Variants in TENM1 observed in about 807,000 individuals in gnomAD.
The protein encoded by TENM1 is teneurin transmembrane protein 1.
In TENM1, 35 loss-of-function variants were observed where a neutral mutation model predicts 174.8. The ratio of observed to expected loss-of-function variants is 0.20; its 90% CI spans 0.15 to 0.27. The LOEUF (loss-of-function observed/expected upper bound fraction) is 0.27, where lower values mean the gene tolerates loss of function less well. Among genes scored for constraint, TENM1 ranks in the 10% least tolerant of loss-of-function variants. TENM1 has a pLI of 1.00. For synonymous variants in TENM1, 781 were observed against 798.7 expected, an observed-to-expected ratio of 0.98 and a Z score of 0.37; for missense variants, 1,633 against 2,130.1, an observed-to-expected ratio of 0.77 and a Z score of 4.59.
At chrX:124,410,354 T>G in intron 25 of TENM1, among the ~76,000 whole-genome samples, 1 of 112,102 alleles carries the variant, frequency 8.9e-6, no homozygotes. Flanking sequence ...CCTTACATCT[T>G]ACACAAAAAC....
chrX:125,105,222 C>G, the TENM1 span, among the ~76,000 whole-genome samples: 29,851 of 110,576 alleles, frequency 0.27, 3,259 homozygotes, highest in African/African-American at 0.41. Context: ...CTACAGAGTT[C>G]CATAGGCATT....
the TENM1 span, among the ~76,000 whole-genome samples, chrX:125,038,710 A>C: frequency 8.1e-5 from 9 of 111,192 alleles, no homozygotes; most frequent in Non-Finnish European, 1.3e-4. Context: ...GTCATTTTTC[A>C]ATTTATTTTT....
the TENM1 span, among the ~76,000 whole-genome samples, chrX:125,112,057 T>A: frequency 9.1e-6 from 1 of 110,465 alleles, no homozygotes. Context: ...AAACTTTGTT[T>A]CCATTTATGT....
chrX:124,706,946 C>CTTT (rs1190388752), intron 4 of TENM1, among the ~76,000 whole-genome samples: 8 of 88,013 alleles, frequency 9.1e-5, no homozygotes, highest in Non-Finnish European at 1.3e-4. Context: ...AGTCCTTAAT[C>CTTT]TTTTTTTTTT....
chrX:124,619,220 G>A (rs760407026), intron 11 of TENM1, among the ~76,000 whole-genome samples: 2 of 112,069 alleles, frequency 1.8e-5, no homozygotes, highest in South Asian at 3.7e-4. Context: ...TAGTTCCTTC[G>A]TGAGACGGTA....
chrX:125,043,149 C>A, the TENM1 span, among the ~76,000 whole-genome samples: 14 of 99,357 alleles, frequency 1.4e-4, no homozygotes, highest in South Asian at 1.0e-3. Flanking sequence ...GCAACAAAAG[C>A]CAAAATTGAC....
chrX:124,631,735 T>G (rs1263076246), intron 11 of TENM1, among the ~76,000 whole-genome samples: 1 of 106,638 alleles, frequency 9.4e-6, no homozygotes, highest in Non-Finnish European at 1.9e-5. Context: ...CCATCTCTAC[T>G]AAAAATACAA....
chrX:124,838,189 T>A (rs981080926), intron 3 of TENM1, among the ~76,000 whole-genome samples: 2 of 112,085 alleles, frequency 1.8e-5, no homozygotes, highest in African/African-American at 3.2e-5. Flanking sequence ...GTGTCCCACA[T>A]CAGTATGATC....
the TENM1 span, among the ~76,000 whole-genome samples, chrX:124,978,482 ATTTTTTC>A: frequency 9.0e-6 from 1 of 111,025 alleles, no homozygotes; most frequent in South Asian, 3.8e-4. Flanking sequence ...CTGGATTCTG[ATTTTTTC>A]TCCCTGAAGG....
chrX:124,801,964 C>T (rs2055465304), intron 3 of TENM1, among the ~76,000 whole-genome samples: 1 of 111,901 alleles, frequency 8.9e-6, no homozygotes, highest in African/African-American at 3.3e-5. Flanking sequence ...CATTGTTAGT[C>T]TGATAGGCTT....
intron 27 of TENM1, among the ~76,000 whole-genome samples, chrX:124,398,641 T>C (rs868395414): frequency 1.8e-5 from 2 of 110,385 alleles, no homozygotes; most frequent in South Asian, 7.5e-4. Context: ...TCTTTTTTTT[T>C]ATTTTTTGGT....
chrX:124,706,999 G>A (rs1295308234), intron 4 of TENM1, among the ~76,000 whole-genome samples: 2 of 98,356 alleles, frequency 2.0e-5, no homozygotes, highest in African/African-American at 7.8e-5. Flanking sequence ...CCAGGCTGTA[G>A]TACAGTGGCA....
chrX:124,403,582 C>A (rs2060426322), intron 27 of TENM1, among the ~76,000 whole-genome samples: 1 of 109,202 alleles, frequency 9.2e-6, no homozygotes, highest in Non-Finnish European at 1.9e-5. Context: ...TTGTTCATAT[C>A]AAGCCATATG....
the TENM1 span, among the ~76,000 whole-genome samples, chrX:125,040,805 G>GA: frequency 1.8e-4 from 20 of 109,338 alleles, no homozygotes; most frequent in African/African-American, 5.3e-4. Context: ...TGAGCTGAAG[G>GA]AAAAAAAAAT....
At chrX:124,724,770 C>T (rs764189617) in intron 4 of TENM1, among the ~76,000 whole-genome samples, 4 of 111,488 alleles carry the variant, frequency 3.6e-5, no homozygotes, top group African/African-American at 9.8e-5. Context: ...CACTCCAGCC[C>T]GGGTGGCAGG....
In TENM1 at chrX:124,415,709, T is replaced by C. The variant is rs2060586653; in HGVS notation, c.4982+4602A>G. On this transcript the variant is annotated intron_variant, in intron 25 of 31. Coordinates refer to ENST00000422452, the Ensembl canonical transcript of TENM1. ...TTTCTCATAGCTTAGTGGCTCGAGATTGGTTACTCACCAATGATGTTAGTT... is the reference window on the plus strand; with the variant it reads ...TTTCTCATAGCTTAGTGGCTCGAGACTGGTTACTCACCAATGATGTTAGTT... Among the ~76,000 whole-genome samples, 3 of 111,323 alleles carry C rather than the reference T, an allele frequency of 2.7e-5. No homozygotes were observed. The Admixed American group carries it at 2.9e-4, about 11-fold the overall frequency.
At chrX:124,414,564 A>G (rs1452374914) in intron 25 of TENM1, among the ~76,000 whole-genome samples, 1 of 110,303 alleles carries the variant, frequency 9.1e-6, no homozygotes, top group Non-Finnish European at 1.9e-5. Context: ...TTTCCCCCTG[A>G]CACTTGGGAC....
chrX:124,487,137 T>C (rs1246577433), intron 21 of TENM1, 72 bp downstream of exon 24: 1 of 1,018,920 alleles, frequency 9.8e-7, no homozygotes, highest in Admixed American at 2.8e-5. Context: ...AATTTCCCTA[T>C]TAACACATTA....
chrX:124,914,743 G>A (rs1425635555), intron 1 of TENM1, among the ~76,000 whole-genome samples: 1 of 111,366 alleles, frequency 9.0e-6, no homozygotes, highest in East Asian at 2.8e-4. Flanking sequence ...CTCTGGCCTA[G>A]ATGACTGCAA....
Sources: gnomAD v4.1 joint callset for allele counts (sites outside exome capture counted in the v4.1 genomes callset) on GRCh38, gnomAD v4.1.1 for gene constraint, MANE v1.5 for transcripts, NCBI Gene and HGNC (gene_info 2026-07-23, HGNC 2026-07-21) for gene names.